Variants in DSCAM observed in about 807,000 individuals in gnomAD.
The protein encoded by DSCAM is cell adhesion molecule DSCAM.
DSCAM carries 47 observed loss-of-function variants against 217.7 expected under a neutral mutation model. That is an observed-to-expected ratio of 0.22 (90% CI 0.17 to 0.28). The LOEUF is 0.28. DSCAM is among the 10% of genes least tolerant of loss of function. The pLI, the probability that DSCAM is intolerant of heterozygous loss-of-function variation, is 1.00. For missense variants in DSCAM, 2,080 were observed against 2,618.3 expected, an observed-to-expected ratio of 0.79 and a Z score of 4.49; for synonymous variants, 1,056 against 1,015.3, an observed-to-expected ratio of 1.04 and a Z score of -0.76.
At chr21:40,085,089 T>G (rs919790696) in intron 23 of DSCAM, among the ~76,000 whole-genome samples, 2 of 152,230 alleles carry the variant, frequency 1.3e-5, no homozygotes, top group Non-Finnish European at 2.9e-5. Flanking sequence ...GTTGTGCACA[T>G]TTTGTGTATG....
At chr21:40,116,698 A>T (rs1601347303) in intron 20 of DSCAM, among the ~76,000 whole-genome samples, 1 of 146,620 alleles carries the variant, frequency 6.8e-6, no homozygotes, top group Non-Finnish European at 1.5e-5. Context: ...TCCATTATTA[A>T]AAAAAAAAAA....
chr21:40,702,274 C>T (rs1601145043), intron 2 of DSCAM, among the ~76,000 whole-genome samples: 1 of 152,034 alleles, frequency 6.6e-6, no homozygotes, highest in African/African-American at 2.4e-5. Context: ...ATACAACTTA[C>T]AACATAGAGT....
intron 3 of DSCAM, among the ~76,000 whole-genome samples, chr21:40,668,886 A>AT (rs1259187212): frequency 6.6e-6 from 1 of 151,886 alleles, no homozygotes; most frequent in Non-Finnish European, 1.5e-5. Context: ...TGATTGGGAA[A>AT]AAAACAAAGA....
intron 4 of DSCAM, among the ~76,000 whole-genome samples, chr21:40,363,847 A>C: frequency 6.6e-6 from 1 of 152,110 alleles, no homozygotes; most frequent in Non-Finnish European, 1.5e-5. Flanking sequence ...AACAAACAAC[A>C]CCATCAACAA....
intron 11 of DSCAM, among the ~76,000 whole-genome samples, chr21:40,202,153 A>G (rs984105323): frequency 3.9e-5 from 6 of 152,194 alleles, no homozygotes; most frequent in African/African-American, 1.4e-4. Context: ...GTCTTGGGCC[A>G]ATAGCCTGCC....
chr21:40,222,156 A>G (rs1308255272), intron 11 of DSCAM, among the ~76,000 whole-genome samples: 1 of 152,224 alleles, frequency 6.6e-6, no homozygotes, highest in Admixed American at 6.5e-5. Flanking sequence ...GAAAACTTGG[A>G]TTCTTCACCA....
intron 3 of DSCAM, among the ~76,000 whole-genome samples, chr21:40,476,082 T>C (rs1276459374): frequency 6.6e-6 from 1 of 152,034 alleles, no homozygotes; most frequent in African/African-American, 2.4e-5. Flanking sequence ...ACCAGAAATG[T>C]CCTTGTATTT....
At chr21:40,389,695 A>G (rs2075116796) in intron 3 of DSCAM, among the ~76,000 whole-genome samples, 1 of 152,226 alleles carries the variant, frequency 6.6e-6, no homozygotes, top group Admixed American at 6.5e-5. Context: ...GAAAGAAGAT[A>G]TAGCCTGTTA....
At chr21:40,495,461 A>C (rs2146022030) in intron 3 of DSCAM, among the ~76,000 whole-genome samples, 1 of 152,314 alleles carries the variant, frequency 6.6e-6, no homozygotes, top group Middle Eastern at 3.4e-3. Flanking sequence ...GATGCAGAAA[A>C]GGCTTTTGAG....
At chr21:40,163,665 T>C (rs1233440075) in intron 16 of DSCAM, among the ~76,000 whole-genome samples, 1 of 152,172 alleles carries the variant, frequency 6.6e-6, no homozygotes, top group Non-Finnish European at 1.5e-5. Flanking sequence ...CCATTTCCCA[T>C]GAAACTTATC....
At chr21:40,155,348 G>A (rs1245314791) in intron 16 of DSCAM, among the ~76,000 whole-genome samples, 1 of 152,208 alleles carries the variant, frequency 6.6e-6, no homozygotes, top group Non-Finnish European at 1.5e-5. Context: ...GAGGGGGTAT[G>A]CTAGTCTGTG....
chr21:40,210,080 G>A (rs1266494809), intron 11 of DSCAM, among the ~76,000 whole-genome samples: 1 of 152,058 alleles, frequency 6.6e-6, no homozygotes, highest in East Asian at 1.9e-4. Flanking sequence ...TACCTTGTAT[G>A]TTTCTCCACC....
intron 9 of DSCAM, among the ~76,000 whole-genome samples, chr21:40,296,831 C>CAAAAAA (rs58219836): frequency 6.3e-4 from 34 of 53,734 alleles, no homozygotes; most frequent in Middle Eastern, 0.013. Context: ...AACTCCATCT[C>CAAAAAA]AAAAAAAAAA....
chr21:40,420,600 G>C (rs2075414615), intron 3 of DSCAM, among the ~76,000 whole-genome samples: 1 of 152,166 alleles, frequency 6.6e-6, no homozygotes, highest in African/African-American at 2.4e-5. Flanking sequence ...CCTACCACCA[G>C]TATCTCAGAA....
At chr21:40,427,110 G>A (rs1199211818) in intron 3 of DSCAM, among the ~76,000 whole-genome samples, 1 of 152,184 alleles carries the variant, frequency 6.6e-6, no homozygotes, top group Non-Finnish European at 1.5e-5. Flanking sequence ...AATGAGCCTT[G>A]AAGACAGCGA....
chr21:40,359,452 G>T (rs1341701922), intron 4 of DSCAM, among the ~76,000 whole-genome samples: 1 of 152,150 alleles, frequency 6.6e-6, no homozygotes, highest in African/African-American at 2.4e-5. Flanking sequence ...ACTTCAATTT[G>T]CCATAAGGCC....
At chr21:40,431,907 T>C (rs2075536363) in intron 3 of DSCAM, among the ~76,000 whole-genome samples, 1 of 152,198 alleles carries the variant, frequency 6.6e-6, no homozygotes, top group Non-Finnish European at 1.5e-5. Context: ...CTCTTATAAA[T>C]GTATTCTTCT....
chr21:40,808,965 C>T (rs1277440462), intron 1 of DSCAM, among the ~76,000 whole-genome samples: 1 of 152,146 alleles, frequency 6.6e-6, no homozygotes, highest in African/African-American at 2.4e-5. Flanking sequence ...AACTTCTACC[C>T]CAGAGACTAT....
At chr21:40,553,277 T>A (rs929486646) in intron 3 of DSCAM, among the ~76,000 whole-genome samples, 1 of 152,268 alleles carries the variant, frequency 6.6e-6, no homozygotes, top group African/African-American at 2.4e-5. Flanking sequence ...TTACCTTTTA[T>A]GCCTTGGAAA....
Sources: gnomAD v4.1 joint callset for allele counts (sites outside exome capture counted in the v4.1 genomes callset) on GRCh38, gnomAD v4.1.1 for gene constraint, MANE v1.5 for transcripts, NCBI Gene and HGNC (gene_info 2026-07-23, HGNC 2026-07-21) for gene names.